The following CDH13 variants were observed in gnomAD, a reference collection of about 807,000 sequenced individuals.
CDH13 encodes cadherin 13.
CDH13 carries 24 observed loss-of-function variants against 63.8 expected under a neutral mutation model. That is an observed-to-expected ratio of 0.38 (90% CI 0.27 to 0.53). CDH13 has a LOEUF of 0.53. CDH13 is among the 20% of genes least tolerant of loss of function. The probability of loss-of-function intolerance (pLI) is 0.85; values close to 1 mark genes in which losing one functional copy is unlikely to be tolerated. For synonymous variants in CDH13, 503 were observed against 355.3 expected (o/e 1.42, Z -4.67); for missense variants, 1,049 against 903.1 (o/e 1.16, Z -2.07).
rs181845025 is a variant in CDH13 at position 83,377,477 on chromosome 16, A to C, written c.781+32471A>C. Among the ~76,000 whole-genome samples, 14 of 152,272 alleles carry C rather than the reference A, an allele frequency of 9.2e-5. No individual in the cohort carries two copies. The East Asian group carries it at 2.7e-3, about 29-fold the overall frequency. On this transcript the variant is annotated intron_variant, in intron 6 of 13. Transcript: ENST00000567109. ...GGTTTCCTCTTTGATGGGACTGTCAAACTCTTGGGTGAGCTTTATTGTCAG... is the reference window on the plus strand; with the variant it reads ...GGTTTCCTCTTTGATGGGACTGTCACACTCTTGGGTGAGCTTTATTGTCAG...
At chr16:83,261,509 A>T (rs1906989601) in intron 5 of CDH13, among the ~76,000 whole-genome samples, 1 of 152,044 alleles carries the variant, frequency 6.6e-6, no homozygotes, top group Admixed American at 6.5e-5. Flanking sequence ...CTAGGTGTCC[A>T]GTGTTCTGGA....
intron 5 of CDH13, among the ~76,000 whole-genome samples, chr16:83,233,594 G>C (rs574183378): frequency 1.1e-4 from 17 of 152,030 alleles, no homozygotes; most frequent in African/African-American, 3.9e-4. Context: ...TCCAACTTTT[G>C]GGGGCCACCT....
intron 3 of CDH13, among the ~76,000 whole-genome samples, chr16:83,112,930 C>G (rs2035129379): frequency 6.6e-6 from 1 of 152,120 alleles, no homozygotes; most frequent in African/African-American, 2.4e-5. Flanking sequence ...AATTACAGCA[C>G]TTATAAAGGA....
intron 1 of CDH13, among the ~76,000 whole-genome samples, chr16:82,792,804 A>G (rs1052503072): frequency 2.6e-5 from 4 of 152,228 alleles, no homozygotes; most frequent in East Asian, 3.8e-4. Flanking sequence ...TCATCACCCA[A>G]TGCCCAACTG....
intron 3 of CDH13, among the ~76,000 whole-genome samples, chr16:83,097,172 T>C (rs113929209): frequency 0.016 from 2,396 of 152,296 alleles, 50 homozygotes; most frequent in African/African-American, 0.055. Flanking sequence ...TTGTTTTTAT[T>C]ATTAAAAGGA....
chr16:83,446,165 T>C lies in CDH13; in HGVS notation c.782-40312T>C, dbSNP rs182419513. On this transcript the variant is annotated intron_variant, in intron 6 of 13. Coordinates refer to ENST00000567109, the MANE Select transcript of CDH13 (RefSeq NM_001257.5). ...AAAAAATACAGAAATTTTCTAGGCA[T>C]GGTGGCATGTGCCTGTAATCCCAGC... 4.3e-4 allele frequency among the ~76,000 whole-genome samples: 65 copies of C among 151,960 alleles called. 1 individual carries two copies. Among genetic ancestry groups the C allele is most frequent in the African/African-American group, 1.4e-3 (60 of 41,456 alleles).
chr16:82,976,202 G>T (rs1909480659), intron 2 of CDH13, among the ~76,000 whole-genome samples: 1 of 152,194 alleles, frequency 6.6e-6, no homozygotes, highest in African/African-American at 2.4e-5. Context: ...CTCCAGAGTG[G>T]GTACACCAGG....
intron 2 of CDH13, among the ~76,000 whole-genome samples, chr16:83,026,339 G>A (rs917227102): frequency 2.0e-5 from 3 of 152,176 alleles, no homozygotes; most frequent in Admixed American, 1.3e-4. Flanking sequence ...CTCGCTCTAG[G>A]CCTTTCTGGA....
chr16:82,944,868 A>G (rs778308790), intron 2 of CDH13, among the ~76,000 whole-genome samples: 6 of 152,206 alleles, frequency 3.9e-5, no homozygotes, highest in Admixed American at 6.5e-5. Context: ...TTCACAAGGT[A>G]TTAGGTAAAG....
At chr16:82,883,776 G>T (rs562603981) in intron 2 of CDH13, among the ~76,000 whole-genome samples, 130 of 152,278 alleles carry the variant, frequency 8.5e-4, no homozygotes, top group Non-Finnish European at 1.6e-3. Context: ...GCATTTCATG[G>T]TCTTCCCCAT....
intron 5 of CDH13, among the ~76,000 whole-genome samples, chr16:83,249,121 C>G (rs1905242015): frequency 6.6e-6 from 1 of 152,100 alleles, no homozygotes; most frequent in Non-Finnish European, 1.5e-5. Context: ...CTCTGCTGGA[C>G]CTTCATGTCG....
chr16:83,240,256 G>A lies in CDH13; in HGVS notation c.636+22759G>A, dbSNP rs552576999. ...CCGGAGGTCAAAGTGGGCTTAGCATGTGTAGGGAACGTAGGCCTGGGAGGG... is the reference window on the plus strand; with the variant it reads ...CCGGAGGTCAAAGTGGGCTTAGCATATGTAGGGAACGTAGGCCTGGGAGGG... On this transcript the variant is annotated intron_variant, in intron 5 of 13. Coordinates refer to ENST00000567109, the MANE Select transcript of CDH13 (RefSeq NM_001257.5). Among the ~76,000 whole-genome samples the A allele has an allele frequency of 2.6e-4, 39 of 152,290 alleles. No homozygotes were observed. In the South Asian group the frequency reaches 6.6e-3, roughly 26 times the overall value.
chr16:83,531,537 C>T (rs1395973492), intron 7 of CDH13, among the ~76,000 whole-genome samples: 1 of 152,210 alleles, frequency 6.6e-6, no homozygotes. Flanking sequence ...CCATGTGAGA[C>T]ATGCCTTTCA....
Position 82,627,150 on chromosome 16 carries a change from G to C in CDH13, c.45+13G>C. ...TCTCCTGTCCCAGGTAGGGAAGAGG[G>C]GCTGCCGGGCGCGCTCTGCGCCCCG... On this transcript the variant is annotated intron_variant, in intron 1 of 13. Transcript: ENST00000567109. 6.2e-7 allele frequency: 1 copy of C among 1,601,664 alleles called. No individual in the cohort carries two copies. Among genetic ancestry groups the C allele is most frequent in the South Asian group, 1.1e-5 (1 of 89,006 alleles).
At chr16:83,536,469 G>A (rs1387616905) in intron 7 of CDH13, among the ~76,000 whole-genome samples, 1 of 152,098 alleles carries the variant, frequency 6.6e-6, no homozygotes, top group African/African-American at 2.4e-5. Flanking sequence ...AGAGAAAAGG[G>A]TGAGCAAAGG....
intron 11 of CDH13, among the ~76,000 whole-genome samples, chr16:83,754,762 C>T (rs1913367887): frequency 6.6e-6 from 1 of 152,180 alleles, no homozygotes; most frequent in Non-Finnish European, 1.5e-5. Flanking sequence ...TTTCCCCAGC[C>T]ATGTGAAACT....
intron 1 of CDH13, among the ~76,000 whole-genome samples, chr16:82,794,532 C>A (rs10514566): frequency 2.6e-3 from 399 of 151,272 alleles, no homozygotes; most frequent in Non-Finnish European, 4.6e-3. Flanking sequence ...CATAAAAGAG[C>A]GGTTTAATAG....
At chr16:82,866,329 C>G (rs1358421985) in intron 2 of CDH13, among the ~76,000 whole-genome samples, 2 of 150,130 alleles carry the variant, frequency 1.3e-5, no homozygotes, top group Admixed American at 6.7e-5. Flanking sequence ...CCCCACTCTA[C>G]TGGTACCAAT....
intron 1 of CDH13, among the ~76,000 whole-genome samples, chr16:82,725,400 C>T (rs898658220): frequency 6.6e-6 from 1 of 152,138 alleles, no homozygotes; most frequent in African/African-American, 2.4e-5. Flanking sequence ...GCTGGACTGT[C>T]TGGCTTACAA....
Sources: gnomAD v4.1 joint callset for allele counts (sites outside exome capture counted in the v4.1 genomes callset) on GRCh38, gnomAD v4.1.1 for gene constraint, MANE v1.5 for transcripts, NCBI Gene and HGNC (gene_info 2026-07-23, HGNC 2026-07-21) for gene names.